Variants in ATG7 observed in about 807,000 individuals in gnomAD.
ATG7 encodes the protein ubiquitin-like modifier-activating enzyme ATG7.
In ATG7, 70 loss-of-function variants were observed where a neutral mutation model predicts 82.4. The observed-to-expected ratio is 0.85, with a 90% CI of 0.70 to 1.04. The LOEUF (loss-of-function observed/expected upper bound fraction) is 1.04. ATG7 is among the 50% of genes least tolerant of loss of function. The probability of loss-of-function intolerance (pLI) is 0.00; values close to 1 mark genes in which losing one functional copy is unlikely to be tolerated. For synonymous variants in ATG7, 287 were observed against 313.0 expected, an observed-to-expected ratio of 0.92 and a Z score of 0.88; for missense variants, 792 against 864.3, an observed-to-expected ratio of 0.92 and a Z score of 1.05.
At chr3:11,455,848 T>A (rs1320098766) in intron 20 of ATG7, among the ~76,000 whole-genome samples, 1 of 152,220 alleles carries the variant, frequency 6.6e-6, no homozygotes. Flanking sequence ...GATGGTTAAT[T>A]ACTTCTCAAA....
Position 11,307,036 on chromosome 3 carries a change from C to T in ATG7, c.309C>T (p.Leu103=), listed in dbSNP as rs190033512. The part of the protein sequence containing the change: ...LESFKTADKK[L]LLEQAANEIW... The stretch of plus-strand genomic sequence containing the variant: ...CTTTCAAGACTGCAGATAAGAAGCT[C>T]CTTTTGGAACAAGCAGCAAATGAGG... The change falls in exon 6 of 21, where the codon CTC becomes CTT. Residue 103 remains leucine, a synonymous_variant. Transcript: ENST00000693202. 1.9e-6 allele frequency: 3 copies of T among 1,613,806 alleles called. No homozygotes were observed. Among genetic ancestry groups the T allele is most frequent in the East Asian group, 4.5e-5 (2 of 44,872 alleles).
chr3:11,480,412 C>G (rs1008089725), intron 20 of ATG7, among the ~76,000 whole-genome samples: 5 of 152,090 alleles, frequency 3.3e-5, no homozygotes, highest in South Asian at 4.1e-4. Context: ...TTGTGCATGC[C>G]TATAGTCCCA....
At chr3:11,465,088 AGTGTGT>A (rs55999171) in intron 20 of ATG7, among the ~76,000 whole-genome samples, 14 of 147,324 alleles carry the variant, frequency 9.5e-5, no homozygotes, top group African/African-American at 3.2e-4. Context: ...AAAAACCTAA[AGTGTGT>A]GTGTGTGTGT....
At chr3:11,299,228 G>GC in intron 4 of ATG7, 134 bp from the exon 5 acceptor site, 16 of 795,726 alleles carry the variant, frequency 2.0e-5, no homozygotes, top group Non-Finnish European at 2.5e-5. Flanking sequence ...TATTATCTAT[G>GC]TAGCATAGAT....
At chr3:11,529,945 C>T (rs533502601) in intron 20 of ATG7, among the ~76,000 whole-genome samples, 4 of 152,324 alleles carry the variant, frequency 2.6e-5, no homozygotes, top group Non-Finnish European at 4.4e-5. Context: ...TCCTCTTGCC[C>T]AGGAGACAGG....
At chr3:11,353,128 G>T (rs576641965) in intron 14 of ATG7, among the ~76,000 whole-genome samples, 19 of 152,300 alleles carry the variant, frequency 1.2e-4, no homozygotes, top group African/African-American at 4.1e-4. Context: ...AAAAAATAAT[G>T]GGTGATAGCC....
At chr3:11,447,125 G>A (rs1223108427) in intron 20 of ATG7, among the ~76,000 whole-genome samples, 1 of 152,154 alleles carries the variant, frequency 6.6e-6, no homozygotes, top group African/African-American at 2.4e-5. Flanking sequence ...CCATACCCTG[G>A]TTACAAGTGA....
At chr3:11,439,953 G>T (rs1355702043) in intron 20 of ATG7, among the ~76,000 whole-genome samples, 1 of 152,204 alleles carries the variant, frequency 6.6e-6, no homozygotes, top group Admixed American at 6.5e-5. Context: ...CAAGACTGTA[G>T]CTATGCTCAG....
chr3:11,382,907 G>T (rs905676854), intron 19 of ATG7, among the ~76,000 whole-genome samples: 5 of 152,100 alleles, frequency 3.3e-5, no homozygotes, highest in African/African-American at 1.2e-4. Flanking sequence ...ACGTATATTT[G>T]CTGTCGTCCT....
intron 20 of ATG7, among the ~76,000 whole-genome samples, chr3:11,480,068 C>T (rs2088750993): frequency 6.6e-6 from 1 of 152,120 alleles, no homozygotes; most frequent in Non-Finnish European, 1.5e-5. Flanking sequence ...GCTGGGACTA[C>T]AGGTGCCCGC....
chr3:11,428,575 G>T (rs1170068081), intron 20 of ATG7, among the ~76,000 whole-genome samples: 1 of 152,198 alleles, frequency 6.6e-6, no homozygotes, highest in Non-Finnish European at 1.5e-5. Flanking sequence ...GAGATGAATG[G>T]CATCTCTGCT....
intron 20 of ATG7, among the ~76,000 whole-genome samples, chr3:11,463,883 G>T (rs940515151): frequency 2.0e-5 from 3 of 152,164 alleles, no homozygotes; most frequent in African/African-American, 4.8e-5. Flanking sequence ...AGACTAGAGA[G>T]GCAGAGTCTG....
chr3:11,305,595 C>T (rs539830877), intron 5 of ATG7, among the ~76,000 whole-genome samples: 3 of 152,348 alleles, frequency 2.0e-5, no homozygotes, highest in Admixed American at 1.3e-4. Flanking sequence ...TGTGATTTCT[C>T]TCTCTTCAAG....
In ATG7 at chr3:11,299,383, C is replaced by G. The variant is rs1020851606; in HGVS notation, c.182C>G (p.Ala61Gly). Residue 61 changes from alanine (A) to glycine (G), a missense_variant, in exon 5 of 21, where the codon GCT (alanine) becomes GGT (glycine). Physicochemically the swap from Ala to Gly is moderately conservative, Grantham distance 60 (BLOSUM62 0). Transcript: ENST00000693202. ...CCAGGTGACTCTGCTGGGCTGCCAG[C>G]TCGCTTAACATTGGAGTTCAGTGCT... ...YYNGDSAGLP[A>G]RLTLEFSAFD... 19 of 1,612,760 alleles carry G rather than the reference C, an allele frequency of 1.2e-5. No homozygotes were observed. Among genetic ancestry groups the G allele is most frequent in the Non-Finnish European group, 1.5e-5 (18 of 1,178,896 alleles).
intron 20 of ATG7, among the ~76,000 whole-genome samples, chr3:11,482,389 C>T (rs1225454444): frequency 6.6e-6 from 1 of 152,214 alleles, no homozygotes; most frequent in African/African-American, 2.4e-5. Context: ...TTCTTCTGAC[C>T]TCTTGTCCCT....
chr3:11,471,718 T>C (rs2087541479), intron 20 of ATG7, among the ~76,000 whole-genome samples: 1 of 148,336 alleles, frequency 6.7e-6, no homozygotes, highest in Non-Finnish European at 1.5e-5. Flanking sequence ...CTCAGAAAAG[T>C]ACTTCATAGA....
At chr3:11,356,999 G>C (rs1388178951) in intron 14 of ATG7, among the ~76,000 whole-genome samples, 1 of 151,758 alleles carries the variant, frequency 6.6e-6, no homozygotes, top group African/African-American at 2.4e-5. Context: ...TTCCTTTCTT[G>C]AATTCCAGAG....
At chr3:11,398,228 A>T (rs1321839363) in intron 19 of ATG7, among the ~76,000 whole-genome samples, 3 of 152,198 alleles carry the variant, frequency 2.0e-5, no homozygotes, top group African/African-American at 7.2e-5. Context: ...TACTGCACCT[A>T]ACTGAAATAT....
In ATG7 at chr3:11,342,287, G is replaced by A. The variant is rs373815885; in HGVS notation, c.1125+8G>A. The A allele has an allele frequency of 9.0e-5, 145 of 1,607,564 alleles. No individual in the cohort carries two copies. The highest frequency in any genetic ancestry group is 6.9e-4 in the South Asian group (62 of 90,224). ...GTAGCTAGGACGTTGATGGTAAGTC[G>A]GAGGTGGGGGGTGCAAATGGCACCT... is the stretch of plus-strand genomic sequence containing the variant. On this transcript the variant is annotated splice_region_variant and intron_variant, in intron 13 of 20. Transcript: ENST00000693202.
Sources: allele counts gnomAD v4.1 joint callset (sites outside exome capture counted in the v4.1 genomes callset), GRCh38; gene constraint gnomAD v4.1.1; transcripts MANE v1.5; gene names NCBI Gene and HGNC (gene_info 2026-07-23, HGNC 2026-07-21).